The following SULT2B1 variants were observed in gnomAD, a reference collection of about 807,000 sequenced individuals.
The protein encoded by SULT2B1 is sulfotransferase 2B1.
A neutral mutation model predicts 33.2 loss-of-function variants in SULT2B1; 16 were observed. The observed-to-expected ratio is 0.48, with a 90% CI of 0.33 to 0.73. The LOEUF (loss-of-function observed/expected upper bound fraction) is 0.73, where lower values mean the gene tolerates loss of function less well. Ranked by LOEUF, SULT2B1 falls within the 30% of genes least tolerant of loss-of-function variation. The pLI is 0.02. For synonymous variants in SULT2B1, 186 were observed against 200.5 expected, an observed-to-expected ratio of 0.93 and a Z score of 0.61; for missense variants, 500 against 506.0, an observed-to-expected ratio of 0.99 and a Z score of 0.11.
intron 2 of SULT2B1, among the ~76,000 whole-genome samples, chr19:48,577,615 C>T (rs1209438883): frequency 6.0e-5 from 9 of 151,074 alleles, no homozygotes; most frequent in African/African-American, 2.2e-4. Context: ...CTGCCCACCT[C>T]GGCCTCCCAA....
At chr19:48,595,280 CT>C (rs775419810) in intron 5 of SULT2B1, among the ~76,000 whole-genome samples, 184 of 33,282 alleles carry the variant, frequency 5.5e-3, no homozygotes, top group Admixed American at 0.011. Flanking sequence ...GAAACTCCGT[CT>C]AAAAAAAAAA....
chr19:48,558,788 G>C (rs1182749042), intron 1 of SULT2B1, among the ~76,000 whole-genome samples: 1 of 147,220 alleles, frequency 6.8e-6, no homozygotes. Flanking sequence ...GGGTTCAAGC[G>C]ATTCTCCTGC....
chr19:48,572,513 C>A (rs1401794055), intron 1 of SULT2B1, among the ~76,000 whole-genome samples: 1 of 150,542 alleles, frequency 6.6e-6, no homozygotes. Context: ...GACTCCATCT[C>A]AAAAAAAATT....
At position 48,558,659 on chromosome 19, in the gene SULT2B1, TTTC is replaced by T. The variant is rs770805346; in HGVS notation, c.71+6339_71+6341del. On this transcript the variant is annotated intron_variant, in intron 1 of 6. Transcript: ENST00000201586. ...AGCCCTGCCAGTCATGAGGCTGCTT[TTTC>T]TTTTTTCTTTTCTTTTCTTTTTTTT... Among the ~76,000 whole-genome samples, 23 of 149,836 alleles carry T rather than the reference TTTC, an allele frequency of 1.5e-4. 2 individuals carry two copies. Among genetic ancestry groups the T allele is most frequent in the East Asian group, 3.9e-4 (2 of 5,078 alleles).
chr19:48,590,270 T>A (rs908722745), intron 3 of SULT2B1, among the ~76,000 whole-genome samples: 4 of 152,010 alleles, frequency 2.6e-5, no homozygotes, highest in African/African-American at 9.7e-5. Context: ...ATTACAGGTG[T>A]GAGCCACAGT....
chr19:48,583,743 AG>A (rs1305442274), intron 2 of SULT2B1, among the ~76,000 whole-genome samples: 1 of 152,014 alleles, frequency 6.6e-6, no homozygotes, highest in Non-Finnish European at 1.5e-5. Flanking sequence ...GCTGGAACCC[AG>A]GAGGCGGAGG....
chr19:48,566,377 C>T (rs527636813), intron 1 of SULT2B1, among the ~76,000 whole-genome samples: 4 of 152,216 alleles, frequency 2.6e-5, no homozygotes, highest in Admixed American at 6.6e-5. Context: ...AGCCACCGCA[C>T]CCAGGCTAAA....
chr19:48,576,127 A>G, intron 2 of SULT2B1, 44 bp downstream of exon 2: 2 of 994,044 alleles, frequency 2.0e-6, no homozygotes, highest in Non-Finnish European at 3.1e-6. Context: ...GAGAGTGGGG[A>G]GGGGGTGCGG....
intron 2 of SULT2B1, among the ~76,000 whole-genome samples, 180 bp from the exon 3 acceptor site, chr19:48,587,049 T>C (rs10426193): frequency 0.18 from 26,634 of 151,554 alleles, 2,951 homozygotes; most frequent in African/African-American, 0.3. Context: ...GAGGTGGAGG[T>C]TGCAGTGAGC....
intron 2 of SULT2B1, among the ~76,000 whole-genome samples, chr19:48,577,566 G>A (rs1403800849): frequency 1.3e-5 from 2 of 150,802 alleles, no homozygotes; most frequent in African/African-American, 2.4e-5. Flanking sequence ...AGGTTTCACC[G>A]TACTGGCCAG....
At chr19:48,557,516 G>A (rs780988913) in intron 1 of SULT2B1, among the ~76,000 whole-genome samples, 1 of 151,644 alleles carries the variant, frequency 6.6e-6, no homozygotes, top group Non-Finnish European at 1.5e-5. Context: ...ACCAGCTTGG[G>A]TGACAAGATT....
intron 2 of SULT2B1, among the ~76,000 whole-genome samples, chr19:48,580,195 G>A (rs1973467770): frequency 6.6e-6 from 1 of 151,604 alleles, no homozygotes; most frequent in Non-Finnish European, 1.5e-5. Flanking sequence ...GCCTCCCAAA[G>A]TGTTAGGATT....
chr19:48,592,804 G>A lies in SULT2B1; in HGVS notation c.633G>A (p.Glu211=), dbSNP rs374825064. 38 of 1,571,914 alleles carry A rather than the reference G, an allele frequency of 2.4e-5. 1 individual carries two copies. Among genetic ancestry groups the A allele is most frequent in the Non-Finnish European group, 2.9e-5 (34 of 1,157,550 alleles). The change falls in exon 5 of 7, where the codon GAG becomes GAA. Residue 211 remains glutamate, a synonymous_variant. Coordinates refer to ENST00000201586, the MANE Select transcript of SULT2B1 (RefSeq NM_177973.2). The part of the protein sequence containing the change: ...GKDNFLFITY[E]ELQQDLQGSV... ...ACAACTTCCTATTTATCACCTACGA[G>A]GAGCTGCAGCAGGTGAGTCCCCACC...
chr19:48,594,847 T>C (rs1349232409), intron 5 of SULT2B1, among the ~76,000 whole-genome samples: 1 of 152,078 alleles, frequency 6.6e-6, no homozygotes, highest in African/African-American at 2.4e-5. Context: ...GGTGAAATCC[T>C]GTCTCTATTA....
chr19:48,556,217 G>T (rs1973098774), intron 1 of SULT2B1, among the ~76,000 whole-genome samples: 1 of 152,170 alleles, frequency 6.6e-6, no homozygotes, highest in Admixed American at 6.6e-5. Context: ...ATGAGAGAAT[G>T]CAGGCAGACA....
Position 48,552,398 on chromosome 19 carries a change from G to A in SULT2B1, c.71+75G>A. 6.5e-7 allele frequency: 1 copy of A among 1,528,412 alleles called. No individual in the cohort carries two copies. The highest frequency in any genetic ancestry group is 1.9e-5 in the Admixed American group (1 of 51,680). 94.7% of individuals were successfully genotyped at this position (1,528,412 alleles called of 1,614,324 possible). A position where few individuals can be genotyped will look rare whatever the true frequency, so the allele number is the denominator to read the frequency against. Reference sequence around the variant, plus strand: ...CTGTTTGGGGGAGCCGGGGACTGTGGCAAGGGTGGCCTCCAGCCACCCGCA... The same window carrying A: ...CTGTTTGGGGGAGCCGGGGACTGTGACAAGGGTGGCCTCCAGCCACCCGCA... On this transcript the variant is annotated intron_variant, in intron 1 of 6. Transcript: ENST00000201586. The surrounding 1 kb of genome is among the most constrained non-coding windows in gnomAD (Gnocchi z 4.8).
At chr19:48,575,630 G>T (rs369026473) in intron 1 of SULT2B1, 1 of 215,306 alleles carries the variant, frequency 4.6e-6, no homozygotes, top group East Asian at 1.1e-4. Flanking sequence ...ACAGGCATGC[G>T]CCACCACGCC....
chr19:48,557,249 A>T (rs1973111053), intron 1 of SULT2B1, among the ~76,000 whole-genome samples: 1 of 152,068 alleles, frequency 6.6e-6, no homozygotes, highest in Admixed American at 6.6e-5. Context: ...TGAGAAATTT[A>T]ATATGTGAGA....
At chr19:48,569,504 G>A (rs1973292902) in intron 1 of SULT2B1, among the ~76,000 whole-genome samples, 1 of 151,094 alleles carries the variant, frequency 6.6e-6, no homozygotes, top group South Asian at 2.1e-4. Context: ...AGGATCGCTT[G>A]AGCCCAGGAG....
Sources: allele counts gnomAD v4.1 joint callset (sites outside exome capture counted in the v4.1 genomes callset), GRCh38; gene constraint gnomAD v4.1.1; non-coding constraint Gnocchi (gnomAD v3.1); transcripts MANE v1.5; gene names NCBI Gene and HGNC (gene_info 2026-07-23, HGNC 2026-07-21).